Variants in ZFAT observed in about 807,000 individuals in gnomAD.
The protein encoded by ZFAT is zinc finger and AT-hook domain containing, also known as zinc finger protein ZFAT.
Under a neutral mutation model 117.7 loss-of-function variants are expected in ZFAT, and 64 were observed. The ratio of observed to expected loss-of-function variants is 0.54; its 90% CI spans 0.44 to 0.67. The LOEUF (loss-of-function observed/expected upper bound fraction) is 0.67. Ranked by LOEUF, ZFAT falls within the 30% of genes least tolerant of loss-of-function variation. ZFAT has a pLI of 0.00. For missense variants in ZFAT, 1,433 were observed against 1,584.5 expected (o/e 0.90, Z 1.62); for synonymous variants, 679 against 615.0 (o/e 1.10, Z -1.54).
chr8:134,743,041 G>A, the ZFAT span, among the ~76,000 whole-genome samples: 2 of 152,246 alleles, frequency 1.3e-5, no homozygotes, highest in East Asian at 3.8e-4. Context: ...GTTGACAGGT[G>A]TGAAAGAGTG....
At chr8:134,592,993 T>C (rs1425977162) in intron 7 of ZFAT, among the ~76,000 whole-genome samples, 1 of 152,184 alleles carries the variant, frequency 6.6e-6, no homozygotes, top group Non-Finnish European at 1.5e-5. Flanking sequence ...GGCCAGGCAA[T>C]GCCACAGATC....
rs374376432 is a variant in ZFAT at position 134,657,657 on chromosome 8, T to C, written c.100A>G (p.Lys34Glu). 2 of 1,614,016 alleles carry C rather than the reference T, an allele frequency of 1.2e-6. No homozygotes were observed. The highest frequency in any genetic ancestry group is 2.7e-5 in the African/African-American group (2 of 74,878). The change falls in exon 2 of 16, where the codon AAG (lysine) becomes GAG (glutamate). Residue 34 changes from lysine (K) to glutamate (E), a missense_variant. By Grantham distance (56) the Lys-to-Glu change is moderately conservative (BLOSUM62 1). Coordinates refer to ENST00000377838, the MANE Select transcript of ZFAT (RefSeq NM_020863.4). ...ACATTAACCCCTTCTTCCATGTGCT[T>C]CTCTGAAACGTGGGAGAGGAGTTCC... ...QSELLSHVSE[K>E]HMEEGVNVDE...
At chr8:134,697,727 AAAAAACT>A (rs1278126774) in intron 1 of ZFAT, among the ~76,000 whole-genome samples, 6 of 150,132 alleles carry the variant, frequency 4.0e-5, no homozygotes, top group South Asian at 2.1e-4. Context: ...ACTCCATCTC[AAAAAACT>A]AAAAACTAAA....
At chr8:134,588,727 C>T (rs904913821) in intron 8 of ZFAT, among the ~76,000 whole-genome samples, 1 of 152,142 alleles carries the variant, frequency 6.6e-6, no homozygotes, top group Non-Finnish European at 1.5e-5. Flanking sequence ...CTAGAGAAAA[C>T]AAGAAACAGA....
chr8:134,754,204 C>A, the ZFAT span, among the ~76,000 whole-genome samples: 1,565 of 152,282 alleles, frequency 0.01, 13 homozygotes, highest in Middle Eastern at 0.031. Context: ...AAACAGAGTC[C>A]TTGTGAATAA....
chr8:134,722,866 A>G, the ZFAT span: 1 of 152,100 alleles, frequency 6.6e-6, no homozygotes, highest in Non-Finnish European at 1.5e-5. Context: ...GCCTTTAAAG[A>G]GGTTATTAAG....
Position 134,601,900 on chromosome 8 carries a change from C to T in ZFAT, c.1819G>A (p.Glu607Lys), listed in dbSNP as rs1308116350. Residue 607 changes from glutamate (E) to lysine (K), a missense_variant, in exon 6 of 16, where the codon GAG becomes AAG. Physicochemically the swap from Glu to Lys is moderately conservative, Grantham distance 56. This residue lies in a region of ZFAT where 372 missense variants were observed against 355.6 expected (regional missense o/e 1.05). Coordinates refer to ENST00000377838, the MANE Select transcript of ZFAT (RefSeq NM_020863.4). ...GGCTTCTCAGGAGCAGCATGAGCCTCTGCGGAGGAGGTATCATTTTTCAAC... is the reference window on the plus strand; with the variant it reads ...GGCTTCTCAGGAGCAGCATGAGCCTTTGCGGAGGAGGTATCATTTTTCAAC... ...FLLKNDTSSA[E>K]AHAAPEKPPD... 1 of 1,613,958 alleles carries T rather than the reference C, an allele frequency of 6.2e-7. No individual in the cohort carries two copies. The highest frequency in any genetic ancestry group is 1.1e-5 in the South Asian group (1 of 91,006).
chr8:134,513,504 GAAAT>G (rs1317084900), intron 13 of ZFAT, among the ~76,000 whole-genome samples: 29 of 152,282 alleles, frequency 1.9e-4, no homozygotes, highest in African/African-American at 7.0e-4. Context: ...GAAAGTGTAA[GAAAT>G]AAAACTGACT....
Position 134,600,576 on chromosome 8 carries a change from A to T in ZFAT, c.2335T>A (p.Ser779Thr). The T allele has an allele frequency of 6.2e-7, 1 of 1,614,096 alleles. No homozygotes were observed. The highest frequency in any genetic ancestry group is 1.3e-5 in the African/African-American group (1 of 75,038). ...LYYCSQCHYS[S>T]ITKNCLKRHV... ...CGTTTAAGGCAGTTTTTGGTGATGG[A>T]AGAATAATGACACTGAGAGCAATAA... The change falls in exon 7 of 16, where the codon TCC becomes ACC. Residue 779 changes from serine to threonine, a missense_variant. Transcript: ENST00000377838.
chr8:134,713,183 G>C (rs1159374426), upstream of ZFAT: 6 of 255,592 alleles, frequency 2.3e-5, no homozygotes, highest in African/African-American at 1.1e-4. Flanking sequence ...CCCACTTCAC[G>C]GATTCCGCTG....
intron 13 of ZFAT, among the ~76,000 whole-genome samples, chr8:134,518,935 T>C (rs939502131): frequency 2.6e-5 from 4 of 152,300 alleles, no homozygotes; most frequent in African/African-American, 9.6e-5. Flanking sequence ...GACACCATCT[T>C]TATCATATAC....
At chr8:134,717,222 G>C (rs979155648), upstream of ZFAT, among the ~76,000 whole-genome samples, 3 of 152,078 alleles carry the variant, frequency 2.0e-5, no homozygotes, top group African/African-American at 4.8e-5. Flanking sequence ...GCACATGGGA[G>C]TGAAGATTGC....
chr8:134,636,039 G>A (rs1395726692), intron 3 of ZFAT, among the ~76,000 whole-genome samples: 1 of 152,158 alleles, frequency 6.6e-6, no homozygotes, highest in African/African-American at 2.4e-5. Flanking sequence ...AGGGAACAGT[G>A]TCTGGTATTT....
chr8:134,750,292 G>GGAATAGAGAAATACAGTGTT, the ZFAT span, among the ~76,000 whole-genome samples: 6 of 151,012 alleles, frequency 4.0e-5, no homozygotes, highest in Admixed American at 4.0e-4. Flanking sequence ...TGTTTTTACT[G>GGAATAGAGAAATACAGTGTT]GAATAGAGAA....
intron 11 of ZFAT, among the ~76,000 whole-genome samples, chr8:134,549,551 C>T (rs1418980095): frequency 1.3e-5 from 2 of 152,214 alleles, no homozygotes; most frequent in Non-Finnish European, 2.9e-5. Context: ...CTCCCCACCC[C>T]GCAGCAAGAA....
At chr8:134,501,835 T>A (rs1454579754) in intron 15 of ZFAT, among the ~76,000 whole-genome samples, 1 of 152,194 alleles carries the variant, frequency 6.6e-6, no homozygotes, top group Non-Finnish European at 1.5e-5. Context: ...TCACCAGTTA[T>A]TCGAGCTTAG....
intron 15 of ZFAT, among the ~76,000 whole-genome samples, chr8:134,487,084 G>C (rs1817711172): frequency 6.6e-6 from 1 of 152,146 alleles, no homozygotes; most frequent in African/African-American, 2.4e-5. Flanking sequence ...ATGGGTGTGT[G>C]TGTACATGAA....
chr8:134,536,095 A>G (rs1206705070), intron 11 of ZFAT, among the ~76,000 whole-genome samples: 1 of 152,216 alleles, frequency 6.6e-6, no homozygotes, highest in Non-Finnish European at 1.5e-5. Flanking sequence ...ATGCCCATCC[A>G]TTGGCAGAAT....
chr8:134,636,605 C>A (rs1319952751), intron 3 of ZFAT, among the ~76,000 whole-genome samples: 1 of 152,184 alleles, frequency 6.6e-6, no homozygotes, highest in Non-Finnish European at 1.5e-5. Flanking sequence ...AGAACTGCTT[C>A]CCACATAACA....
Sources: allele counts gnomAD v4.1 joint callset (sites outside exome capture counted in the v4.1 genomes callset), GRCh38; gene constraint gnomAD v4.1.1; regional missense constraint gnomAD v4.1.1; transcripts MANE v1.5; gene names NCBI Gene and HGNC (gene_info 2026-07-23, HGNC 2026-07-21).